The following CPA5 variants were observed in gnomAD, a reference collection of about 807,000 sequenced individuals.
CPA5 encodes testicular tissue protein Li 32.
In CPA5, 38 loss-of-function variants were observed where a neutral mutation model predicts 52.2. The ratio of observed to expected loss-of-function variants is 0.73; its 90% CI spans 0.56 to 0.95. CPA5 has a LOEUF of 0.95. CPA5 is among the 40% of genes least tolerant of loss of function. The probability of loss-of-function intolerance (pLI) is 0.00; values close to 1 mark genes in which losing one functional copy is unlikely to be tolerated. For missense variants in CPA5, 519 were observed against 566.7 expected (o/e 0.92, Z 0.86); for synonymous variants, 198 against 213.7 (o/e 0.93, Z 0.64).
At chr7:130,373,380 G>GA (rs1163900576), downstream of CPA5, among the ~76,000 whole-genome samples, 19 of 150,928 alleles carry the variant, frequency 1.3e-4, no homozygotes, top group Admixed American at 9.2e-4. Flanking sequence ...TTATTTAAAA[G>GA]AAAAAAAGCA....
At position 130,367,512 on chromosome 7, in the gene CPA5, C is replaced by T; in HGVS notation, c.979C>T (p.Gln327Ter). The T allele has an allele frequency of 6.2e-7, 1 of 1,614,150 alleles. No individual in the cohort carries two copies. The highest frequency in any genetic ancestry group is 1.1e-5 in the South Asian group (1 of 91,072). Residue 327 changes from glutamine to a stop codon, truncating the protein, a stop_gained, in exon 11 of 13, where the codon CAG (glutamine) becomes TAG (stop). Transcript: ENST00000474905. LOFTEE classifies it high-confidence loss of function. ...KALISIHSYS[Q>*]MLMYPYGRLL... ...TCTGATCTCCATCCACAGCTACTCTCAGATGCTTATGTACCCTTACGGCCG... is the reference window on the plus strand; with the variant it reads ...TCTGATCTCCATCCACAGCTACTCTTAGATGCTTATGTACCCTTACGGCCG...
At chr7:130,361,278 C>T (rs1795777713) in intron 7 of CPA5, 34 bp downstream of exon 7, 3 of 1,406,398 alleles carry the variant, frequency 2.1e-6, no homozygotes, top group Non-Finnish European at 2.0e-6. Flanking sequence ...GTAGACTCTA[C>T]CTTGAGGGCC....
chr7:130,374,251 C>CGG, the CPA5 span, among the ~76,000 whole-genome samples: 7 of 152,086 alleles, frequency 4.6e-5, no homozygotes, highest in South Asian at 2.1e-4. Flanking sequence ...ATCTCAAACT[C>CGG]GGGGGGCAAA....
At chr7:130,369,186 A>G (rs1290239151), downstream of CPA5, among the ~76,000 whole-genome samples, 1 of 152,152 alleles carries the variant, frequency 6.6e-6, no homozygotes, top group African/African-American at 2.4e-5. Context: ...GGTGTCCTCA[A>G]AGGCTCCCTG....
At chr7:130,370,225 A>C (rs564840304), downstream of CPA5, among the ~76,000 whole-genome samples, 2 of 152,366 alleles carry the variant, frequency 1.3e-5, no homozygotes, top group Non-Finnish European at 2.9e-5. Context: ...AGAAGCCCTG[A>C]GGAAGTGAGG....
downstream of CPA5, among the ~76,000 whole-genome samples, chr7:130,371,613 C>T (rs1796295317): frequency 6.6e-6 from 1 of 151,860 alleles, no homozygotes; most frequent in African/African-American, 2.4e-5. Flanking sequence ...TCTTGTTGCC[C>T]ATGGTGCGAT....
At chr7:130,349,349 G>A (rs1794983065) in intron 4 of CPA5, among the ~76,000 whole-genome samples, 2 of 152,234 alleles carry the variant, frequency 1.3e-5, no homozygotes, top group South Asian at 4.2e-4. Context: ...TAGGAGAATG[G>A]CATGAACCCG....
intron 3 of CPA5, among the ~76,000 whole-genome samples, 169 bp downstream of exon 3, chr7:130,346,770 G>A (rs1388705599): frequency 2.6e-5 from 4 of 152,080 alleles, no homozygotes; most frequent in Non-Finnish European, 5.9e-5. Context: ...TCATGCTCCG[G>A]GGCTGGCTCG....
At chr7:130,368,125 A>C (rs1183683330) in intron 12 of CPA5, 135 bp downstream of exon 12, 5 of 857,982 alleles carry the variant, frequency 5.8e-6, no homozygotes, top group Non-Finnish European at 9.4e-6. Context: ...AGTGGTACCC[A>C]GGGAGCTGTT....
At chr7:130,372,673 T>C (rs553628132), downstream of CPA5, among the ~76,000 whole-genome samples, 6 of 152,338 alleles carry the variant, frequency 3.9e-5, no homozygotes, top group African/African-American at 1.4e-4. Flanking sequence ...AACTGTGTCA[T>C]GCGGCCATGC....
downstream of CPA5, among the ~76,000 whole-genome samples, chr7:130,369,882 C>A (rs1401859184): frequency 1.3e-5 from 2 of 152,188 alleles, no homozygotes; most frequent in East Asian, 1.9e-4. Context: ...TTCCATTCAG[C>A]CTGTGAAAGG....
downstream of CPA5, among the ~76,000 whole-genome samples, chr7:130,370,354 A>C (rs79036358): frequency 0.025 from 3,750 of 152,160 alleles, 158 homozygotes; most frequent in African/African-American, 0.083. Context: ...TAAAGCTGGA[A>C]TTGGTCTGAG....
chr7:130,360,883 A>C (rs1350306832), intron 6 of CPA5, among the ~76,000 whole-genome samples: 1 of 152,222 alleles, frequency 6.6e-6, no homozygotes, highest in African/African-American at 2.4e-5. Context: ...CTCAGCACAC[A>C]CTGTTCTTCC....
chr7:130,359,734 C>T (rs782545418), intron 6 of CPA5, 47 bp downstream of exon 6: 3 of 1,360,958 alleles, frequency 2.2e-6, no homozygotes, highest in South Asian at 2.5e-5. Flanking sequence ...TCTTTGGGCC[C>T]CTTAGGGTCT....
Position 130,346,612 on chromosome 7 carries a change from G to A in CPA5, c.116+11G>A. 1 of 1,605,730 alleles carries A rather than the reference G, an allele frequency of 6.2e-7. No homozygotes were observed. Among genetic ancestry groups the A allele is most frequent in the Non-Finnish European group, 8.5e-7 (1 of 1,172,580 alleles). On this transcript the variant is annotated intron_variant, in intron 3 of 12. Coordinates refer to ENST00000474905, the MANE Select transcript of CPA5 (RefSeq NM_080385.5). ...AATGAATTTCACAGGGTGAGTGGCT[G>A]CTCCACAGTGGGAGGGAGGACTGGC...
intron 5 of CPA5, among the ~76,000 whole-genome samples, chr7:130,352,188 T>C (rs1222476812): frequency 6.6e-6 from 1 of 151,992 alleles, no homozygotes; most frequent in Non-Finnish European, 1.5e-5. Context: ...AATCTCTCCC[T>C]CCCTCTGCCC....
intron 6 of CPA5, among the ~76,000 whole-genome samples, chr7:130,360,510 T>C (rs1795735889): frequency 6.6e-6 from 1 of 152,278 alleles, no homozygotes; most frequent in African/African-American, 2.4e-5. Flanking sequence ...CGTCTCATTT[T>C]GCGTGTCAAA....
At chr7:130,351,634 C>G (rs1394592071) in intron 5 of CPA5, among the ~76,000 whole-genome samples, 1 of 152,060 alleles carries the variant, frequency 6.6e-6, no homozygotes, top group Non-Finnish European at 1.5e-5. Context: ...TTAGAGGGAG[C>G]TGGGGGTGGG....
At chr7:130,345,661 A>G (rs1342042569) in intron 1 of CPA5, 178 bp from the exon 2 acceptor site, 2 of 152,242 alleles carry the variant, frequency 1.3e-5, no homozygotes, top group South Asian at 2.1e-4. Context: ...CCACCTGAAG[A>G]CAGAGAAAAG....
Sources: allele counts gnomAD v4.1 joint callset (sites outside exome capture counted in the v4.1 genomes callset), GRCh38; gene constraint gnomAD v4.1.1; transcripts MANE v1.5; gene names NCBI Gene and HGNC (gene_info 2026-07-23, HGNC 2026-07-21).